Variants in SPPL2A observed in about 807,000 individuals in gnomAD.
SPPL2A encodes signal peptide peptidase-like 2A.
In SPPL2A, 51 loss-of-function variants were observed where a neutral mutation model predicts 63.8. The observed-to-expected ratio is 0.80, with a 90% confidence interval of 0.64 to 1.01. The LOEUF (loss-of-function observed/expected upper bound fraction) is 1.01, where lower values mean the gene tolerates loss of function less well. Among genes scored for constraint, SPPL2A ranks in the 50% least tolerant of loss-of-function variants. SPPL2A has a pLI of 0.00. For synonymous variants in SPPL2A, 188 were observed against 205.8 expected, an observed-to-expected ratio of 0.91 and a Z score of 0.74; for missense variants, 553 against 622.7, an observed-to-expected ratio of 0.89 and a Z score of 1.19.
chr15:50,736,785 G>A, intron 6 of SPPL2A, 45 bp from the exon 7 acceptor site: 1 of 938,704 alleles, frequency 1.1e-6, no homozygotes, highest in East Asian at 2.4e-5. Flanking sequence ...AGAAGGAAAG[G>A]TGATAAGAAA....
intron 1 of SPPL2A, among the ~76,000 whole-genome samples, chr15:50,762,891 C>T (rs558253003): frequency 1.4e-5 from 2 of 147,884 alleles, no homozygotes; most frequent in Non-Finnish European, 3.0e-5. Flanking sequence ...CACCACCACG[C>T]CCGGCTAATT....
intron 6 of SPPL2A, among the ~76,000 whole-genome samples, chr15:50,737,600 G>A (rs141079713): frequency 0.014 from 2,192 of 151,988 alleles, 21 homozygotes; most frequent in African/African-American, 0.021. Flanking sequence ...CTACGGGCAC[G>A]CACCACCATG....
chr15:50,742,320 G>C (rs971572025), intron 5 of SPPL2A, among the ~76,000 whole-genome samples: 6 of 152,040 alleles, frequency 3.9e-5, no homozygotes, highest in African/African-American at 1.2e-4. Flanking sequence ...AACCCAGGAG[G>C]CGGAGGTTGC....
chr15:50,752,087 T>C (rs1012822884), intron 1 of SPPL2A, among the ~76,000 whole-genome samples: 2 of 151,962 alleles, frequency 1.3e-5, no homozygotes, highest in African/African-American at 4.8e-5. Flanking sequence ...CACCTCAGCC[T>C]CCCAAAGTAC....
chr15:50,709,514 G>A lies in SPPL2A; in HGVS notation c.1489-1640C>T, dbSNP rs147691322. ...AGCTTACAAAATCAAAACCTGGGCC[G>A]GGCGCGGTGGCTCACGCCTGTAATC... On this transcript the variant is annotated intron_variant, in intron 14 of 14. Transcript: ENST00000261854. Among the ~76,000 whole-genome samples, 36 of 152,226 alleles carry A rather than the reference G, an allele frequency of 2.4e-4. 1 individual carries two copies. The East Asian group carries it at 5.2e-3, about 22-fold the overall frequency.
At chr15:50,709,984 T>G (rs2062543901) in intron 14 of SPPL2A, among the ~76,000 whole-genome samples, 1 of 151,598 alleles carries the variant, frequency 6.6e-6, no homozygotes, top group Non-Finnish European at 1.5e-5. Flanking sequence ...GTTCACTACA[T>G]GAAACATAAG....
At chr15:50,732,773 A>G in intron 8 of SPPL2A, 89 bp from the exon 9 acceptor site, 1 of 758,402 alleles carries the variant, frequency 1.3e-6, no homozygotes, top group East Asian at 2.8e-5. Context: ...ATATCATTTA[A>G]TTGCTATGAT....
chr15:50,752,728 A>C (rs1053065849), intron 1 of SPPL2A, among the ~76,000 whole-genome samples: 4 of 151,806 alleles, frequency 2.6e-5, no homozygotes, highest in African/African-American at 7.3e-5. Context: ...AAAAAAAAAA[A>C]AACAACCCAA....
rs528017412 is a variant in SPPL2A, at chr15:50,736,943, G to A, written c.734-203C>T. Among the ~76,000 whole-genome samples, 4 of 149,454 alleles carry A rather than the reference G, an allele frequency of 2.7e-5. No individual in the cohort carries two copies. In the East Asian group the frequency reaches 8.0e-4, roughly 30 times the overall value. On this transcript the variant is annotated intron_variant, in intron 6 of 14. Coordinates refer to ENST00000261854, the MANE Select transcript of SPPL2A (RefSeq NM_032802.4). ...TTTTTTCTGAGAGTCTCACTCTGTCGCCCAGTCGCCCAGGCTGGAATGCAG... is the reference window on the plus strand; with the variant it reads ...TTTTTTCTGAGAGTCTCACTCTGTCACCCAGTCGCCCAGGCTGGAATGCAG...
chr15:50,723,486 G>GT (rs60567519), intron 12 of SPPL2A, among the ~76,000 whole-genome samples: 11,682 of 151,140 alleles, frequency 0.077, 558 homozygotes, highest in African/African-American at 0.13. Flanking sequence ...GGTTTTTTTT[G>GT]TTTTTTTTTG....
intron 14 of SPPL2A, among the ~76,000 whole-genome samples, chr15:50,711,347 T>C (rs1413444586): frequency 4.0e-5 from 6 of 151,784 alleles, no homozygotes; most frequent in Admixed American, 6.6e-5. Context: ...GTAGCTGGGA[T>C]TACAGGCACA....
intron 14 of SPPL2A, among the ~76,000 whole-genome samples, chr15:50,717,262 T>C (rs1257710701): frequency 6.6e-6 from 1 of 152,002 alleles, no homozygotes; most frequent in Non-Finnish European, 1.5e-5. Flanking sequence ...GAAGCCCCTA[T>C]CTTCCGGACT....
At chr15:50,721,800 G>T (rs1298271798) in intron 13 of SPPL2A, among the ~76,000 whole-genome samples, 2 of 151,902 alleles carry the variant, frequency 1.3e-5, no homozygotes, top group Non-Finnish European at 2.9e-5. Flanking sequence ...TAGAGACAGG[G>T]TTTCATCATG....
At chr15:50,765,426 G>T in intron 1 of SPPL2A, 42 bp downstream of exon 1, 1 of 1,456,728 alleles carries the variant, frequency 6.9e-7, no homozygotes, top group South Asian at 1.3e-5. Flanking sequence ...CCCCGGCCCC[G>T]CCCAGCCCCT....
At chr15:50,743,634 A>G (rs372073308) in intron 5 of SPPL2A, among the ~76,000 whole-genome samples, 1 of 152,076 alleles carries the variant, frequency 6.6e-6, no homozygotes, top group Non-Finnish European at 1.5e-5. Flanking sequence ...AGTGTGAGCC[A>G]CCACGCCTGG....
In SPPL2A at chr15:50,704,272, T is replaced by G. The variant is rs12900430; in HGVS notation, c.*3528A>C. ...CAGGAGAATTGCTTGAACCCGGGAG[T>G]CGGAGATTGCAGTGAGCTGATATCA... On this transcript the variant is annotated 3_prime_UTR_variant, in exon 15 of 15. Coordinates refer to ENST00000261854, the MANE Select transcript of SPPL2A (RefSeq NM_032802.4). The G allele has an allele frequency of 0.53, 77,993 of 148,398 alleles. 20,464 individuals carry two copies. The highest frequency in any genetic ancestry group is 0.59 in the Admixed American group (8,754 of 14,816). The allele number at this position is 148,398 out of a possible 1,614,324, so 9.2% of individuals were successfully genotyped here.
intron 14 of SPPL2A, among the ~76,000 whole-genome samples, chr15:50,711,699 TAA>T (rs992189923): frequency 3.3e-5 from 5 of 152,140 alleles, no homozygotes; most frequent in African/African-American, 1.2e-4. Flanking sequence ...CCTGGACATT[TAA>T]AGAGTCTCCA....
rs57049574 is a variant in SPPL2A at position 50,717,968 on chromosome 15, G to GTTTTTTTTT, written c.1488+1963_1488+1971dup. Among the ~76,000 whole-genome samples the GTTTTTTTTT allele has an allele frequency of 9.8e-5, 9 of 91,660 alleles. 1 individual carries two copies. Among genetic ancestry groups the GTTTTTTTTT allele is most frequent in the Admixed American group, 1.2e-4 (1 of 8,108 alleles). The allele number at this position is 91,660 out of a possible 152,430, so 60.1% of individuals were successfully genotyped here. On this transcript the variant is annotated intron_variant, in intron 14 of 14. Coordinates refer to ENST00000261854, the MANE Select transcript of SPPL2A (RefSeq NM_032802.4). ...TATTCCTCACTAGACTGTAACTTTC[G>GTTTTTTTTT]TTTTTTTTTTTTTTTTTTTTTGAGA...
At chr15:50,763,664 C>G (rs1475925033) in intron 1 of SPPL2A, among the ~76,000 whole-genome samples, 1 of 152,046 alleles carries the variant, frequency 6.6e-6, no homozygotes, top group Non-Finnish European at 1.5e-5. Context: ...TTTGGGAGGC[C>G]GAGGAGGGTG....
Sources: allele counts gnomAD v4.1 joint callset (sites outside exome capture counted in the v4.1 genomes callset), GRCh38; gene constraint gnomAD v4.1.1; transcripts MANE v1.5; gene names NCBI Gene and HGNC (gene_info 2026-07-23, HGNC 2026-07-21).